ERAP1: variants seen among roughly 807,000 people sequenced by gnomAD.
ERAP1 encodes the protein adipocyte-derived leucine aminopeptidase.
A neutral mutation model predicts 103.7 loss-of-function variants in ERAP1; 86 were observed. That is an observed-to-expected ratio of 0.83 (90% confidence interval 0.70 to 0.99). The LOEUF (loss-of-function observed/expected upper bound fraction) is 0.99, where lower values mean the gene tolerates loss of function less well. ERAP1 is among the 50% of genes least tolerant of loss of function. ERAP1 has a pLI of 0.00. For synonymous variants in ERAP1, 398 were observed against 402.4 expected (o/e 0.99, Z 0.13); for missense variants, 1,009 against 1,128.4 (o/e 0.89, Z 1.52).
chr5:96,909,706 T>C, the ERAP1 span: 1 of 1,614,218 alleles, frequency 6.2e-7, no homozygotes, highest in Admixed American at 1.7e-5. Flanking sequence ...CCATGCTCCT[T>C]GCATCCAGAA....
chr5:96,791,567 A>G (rs961419029), intron 8 of ERAP1, among the ~76,000 whole-genome samples: 1 of 152,152 alleles, frequency 6.6e-6, no homozygotes, highest in Non-Finnish European at 1.5e-5. Context: ...CAGTGGCCAA[A>G]TCCTCCTTTT....
In ERAP1 at chr5:96,781,771, T is replaced by C. The variant is rs1395229760; in HGVS notation, c.2369A>G (p.Gln790Arg). The C allele has an allele frequency of 6.2e-7, 1 of 1,614,176 alleles. No homozygotes were observed. Among genetic ancestry groups the C allele is most frequent in the East Asian group, 2.2e-5 (1 of 44,878 alleles). ...TTTCTCAGTACTGGACAAAGAAAACTGATATTTACTATAAAGAAAATCCCA... is the reference window on the plus strand; with the variant it reads ...TTTCTCAGTACTGGACAAAGAAAACCGATATTTACTATAAAGAAAATCCCA... ...EGWDFLYSKY[Q>R]FSLSSTEKSQ... The change falls in exon 16 of 19, where the codon CAG (glutamine) becomes CGG (arginine). Residue 790 changes from glutamine to arginine, a missense_variant. Gln to Arg is a conservative substitution (Grantham distance 43, BLOSUM62 1). Coordinates refer to ENST00000443439, the MANE Select transcript of ERAP1 (RefSeq NM_001040458.3).
the ERAP1 span, chr5:96,910,159 G>C: frequency 6.2e-6 from 1 of 162,168 alleles, no homozygotes; most frequent in African/African-American, 2.4e-5. Flanking sequence ...CAGCTACTTC[G>C]GAGGCTGAGG....
the ERAP1 span, among the ~76,000 whole-genome samples, chr5:96,862,334 C>G: frequency 6.6e-6 from 1 of 152,144 alleles, no homozygotes; most frequent in Non-Finnish European, 1.5e-5. Context: ...CTTTAGTGGA[C>G]AAGACATTGC....
At chr5:96,771,774 A>G (rs1365798707), downstream of ERAP1, 10 of 900,862 alleles carry the variant, frequency 1.1e-5, no homozygotes, top group Non-Finnish European at 1.8e-5. Flanking sequence ...AGATGAGAGA[A>G]GTGAAGTCCA....
Position 96,786,266 on chromosome 5 carries a change from GTAATCCCTCCTTTTTAGCATTATA to G in ERAP1, c.1759+180_1759+203del, listed in dbSNP as rs1775977677. ...ACAAAGTAATAGTGAATGTTCACTG[GTAATCCCTCCTTTTTAGCATTATA>G]TAATTCAGCTATAATCTCTATCTGG... On this transcript the variant is annotated intron_variant, in intron 12 of 18. Transcript: ENST00000443439. Among the ~76,000 whole-genome samples the G allele has an allele frequency of 2.0e-5, 3 of 152,304 alleles. 1 individual carries two copies. In the South Asian group the frequency reaches 6.2e-4, roughly 32 times the overall value.
intron 19 of ERAP1, chr5:96,767,795 C>A: frequency 1.5e-6 from 1 of 673,306 alleles, no homozygotes; most frequent in Non-Finnish European, 2.6e-6. Context: ...GAATGTCAGT[C>A]AGTTTTTTTC....
the ERAP1 span, among the ~76,000 whole-genome samples, chr5:96,891,471 G>GTA: frequency 1.9e-4 from 19 of 101,374 alleles, no homozygotes; most frequent in Admixed American, 4.1e-4. Flanking sequence ...ACATATACAG[G>GTA]TATATATATA....
At chr5:96,836,666 A>T in the ERAP1 span, among the ~76,000 whole-genome samples, 1 of 152,206 alleles carries the variant, frequency 6.6e-6, no homozygotes, top group African/African-American at 2.4e-5. Flanking sequence ...CCAACCACCA[A>T]CTAATATAAA....
At chr5:96,833,367 A>G in the ERAP1 span, among the ~76,000 whole-genome samples, 60 of 152,360 alleles carry the variant, frequency 3.9e-4, 1 homozygote, top group African/African-American at 1.3e-3. Flanking sequence ...TGCTTTGATC[A>G]TATAAATATT....
At chr5:96,868,169 A>T in the ERAP1 span, among the ~76,000 whole-genome samples, 2 of 152,202 alleles carry the variant, frequency 1.3e-5, no homozygotes, top group Non-Finnish European at 2.9e-5. Context: ...AAATGTATAC[A>T]ATCAGTTCTC....
chr5:96,826,067 C>T, the ERAP1 span, among the ~76,000 whole-genome samples: 3 of 152,310 alleles, frequency 2.0e-5, no homozygotes, highest in Admixed American at 6.5e-5. Flanking sequence ...TCCTTCATTC[C>T]GCATCCCTGA....
chr5:96,914,146 T>TCACACACACACACA, the ERAP1 span, among the ~76,000 whole-genome samples: 12 of 104,718 alleles, frequency 1.1e-4, no homozygotes, highest in Middle Eastern at 5.5e-3. Flanking sequence ...TCTCTCTCTC[T>TCACACACACACACA]CTCACACACA....
At chr5:96,824,456 C>A in the ERAP1 span, among the ~76,000 whole-genome samples, 1 of 152,338 alleles carries the variant, frequency 6.6e-6, no homozygotes, top group Middle Eastern at 3.4e-3. Flanking sequence ...CTTCCCTTGA[C>A]ACTTCCTGAG....
At position 96,775,475 on chromosome 5, in the gene ERAP1, A is replaced by G; in HGVS notation, c.*921T>C. 5 of 985,596 alleles carry G rather than the reference A, an allele frequency of 5.1e-6. No individual in the cohort carries two copies. The highest frequency in any genetic ancestry group is 6.0e-6 in the Non-Finnish European group (5 of 829,934). 61.1% of individuals were successfully genotyped at this position (985,596 alleles called of 1,614,324 possible). ...CCCTAAGAAAAGGGTTTTCCTACAG[A>G]CTTGAATGCACTCTGCTTTTTCAGA... On this transcript the variant is annotated 3_prime_UTR_variant, in exon 19 of 19. Transcript: ENST00000443439.
At chr5:96,807,469 G>T (rs1431934615) in intron 1 of ERAP1, among the ~76,000 whole-genome samples, 1 of 152,222 alleles carries the variant, frequency 6.6e-6, no homozygotes, top group East Asian at 1.9e-4. Flanking sequence ...GGACTGGCAG[G>T]CATCCAGGCG....
chr5:96,870,399 T>C, the ERAP1 span, among the ~76,000 whole-genome samples: 1 of 152,202 alleles, frequency 6.6e-6, no homozygotes, highest in South Asian at 2.1e-4. Context: ...TCCTGGCTAA[T>C]ATGAATGACT....
chr5:96,855,437 G>A, the ERAP1 span, among the ~76,000 whole-genome samples: 17 of 152,238 alleles, frequency 1.1e-4, no homozygotes, highest in Admixed American at 3.9e-4. Context: ...TCACACTGGA[G>A]ACAATTTTGT....
At chr5:96,870,505 C>A in the ERAP1 span, among the ~76,000 whole-genome samples, 1 of 152,140 alleles carries the variant, frequency 6.6e-6, no homozygotes, top group Non-Finnish European at 1.5e-5. Flanking sequence ...AACATTTAAA[C>A]CAAAACGAAG....
Sources: gnomAD v4.1 joint callset for allele counts (sites outside exome capture counted in the v4.1 genomes callset) on GRCh38, gnomAD v4.1.1 for gene constraint, MANE v1.5 for transcripts, NCBI Gene and HGNC (gene_info 2026-07-23, HGNC 2026-07-21) for gene names.